The following KCNMB2 variants were observed in gnomAD, a reference collection of about 807,000 sequenced individuals.
The protein encoded by KCNMB2 is potassium calcium-activated channel subfamily M regulatory beta subunit 2.
Under a neutral mutation model 24.5 loss-of-function variants are expected in KCNMB2, and 9 were observed. The observed-to-expected ratio is 0.37, with a 90% confidence interval of 0.22 to 0.64. The LOEUF is 0.64. Ranked by LOEUF, KCNMB2 falls within the 30% of genes least tolerant of loss-of-function variation. The pLI is 0.63. For missense variants in KCNMB2, 226 were observed against 284.3 expected (o/e 0.79, Z 1.47); for synonymous variants, 109 against 104.4 (o/e 1.04, Z -0.27).
At chr3:178,758,139 GAT>G (rs376138461) in intron 1 of KCNMB2, among the ~76,000 whole-genome samples, 71 of 11,624 alleles carry the variant, frequency 6.1e-3, no homozygotes, top group Non-Finnish European at 0.011. Context: ...CACACAAGAG[GAT>G]ATATATATAT....
intron 1 of KCNMB2, among the ~76,000 whole-genome samples, chr3:178,771,814 CT>C (rs1379384702): frequency 1.3e-5 from 2 of 152,172 alleles, no homozygotes; most frequent in Non-Finnish European, 2.9e-5. Context: ...TCCCTTACCC[CT>C]GATCTCATGG....
chr3:178,615,684 T>C (rs552078429), intron 1 of KCNMB2, among the ~76,000 whole-genome samples: 3 of 152,300 alleles, frequency 2.0e-5, no homozygotes, highest in South Asian at 2.1e-4. Flanking sequence ...GGCTCCCCGC[T>C]GGCCTAGGGC....
chr3:178,769,554 T>C (rs1402691185), intron 1 of KCNMB2, among the ~76,000 whole-genome samples: 2 of 152,194 alleles, frequency 1.3e-5, no homozygotes, highest in Non-Finnish European at 2.9e-5. Context: ...AGGATAAGAA[T>C]TGCAAATCCA....
intron 1 of KCNMB2, among the ~76,000 whole-genome samples, chr3:178,803,591 T>C (rs1388517175): frequency 6.6e-6 from 1 of 152,098 alleles, no homozygotes; most frequent in Non-Finnish European, 1.5e-5. Flanking sequence ...TAAGGGTGCA[T>C]GAGACACAGT....
At chr3:178,616,260 T>C (rs1718702786) in intron 1 of KCNMB2, among the ~76,000 whole-genome samples, 1 of 152,220 alleles carries the variant, frequency 6.6e-6, no homozygotes, top group Non-Finnish European at 1.5e-5. Flanking sequence ...GTTGCAGTCC[T>C]TACGTCCTAG....
chr3:178,772,127 C>A (rs1012499774), intron 1 of KCNMB2, among the ~76,000 whole-genome samples: 1 of 152,136 alleles, frequency 6.6e-6, no homozygotes, highest in Non-Finnish European at 1.5e-5. Context: ...TCTTCCCCTG[C>A]ATAATATTCT....
intron 1 of KCNMB2, among the ~76,000 whole-genome samples, chr3:178,712,069 G>A (rs1722471761): frequency 1.3e-5 from 2 of 152,166 alleles, no homozygotes; most frequent in South Asian, 2.1e-4. Context: ...CTACTTTGAT[G>A]TTGTGAGTTT....
At chr3:178,717,554 G>A (rs1049022330) in intron 1 of KCNMB2, among the ~76,000 whole-genome samples, 11 of 152,040 alleles carry the variant, frequency 7.2e-5, no homozygotes, top group African/African-American at 2.4e-5. Context: ...GAGAGAATTG[G>A]ACAATTGAAG....
At chr3:178,544,312 A>C (rs1715708329) in intron 1 of KCNMB2, among the ~76,000 whole-genome samples, 1 of 152,114 alleles carries the variant, frequency 6.6e-6, no homozygotes, top group Admixed American at 6.6e-5. Context: ...CCCACATCAG[A>C]TGCTCTTTCA....
At chr3:178,814,048 T>C (rs963675256) in intron 2 of KCNMB2, among the ~76,000 whole-genome samples, 2 of 152,122 alleles carry the variant, frequency 1.3e-5, no homozygotes, top group Admixed American at 6.5e-5. Flanking sequence ...ATTTGTTATA[T>C]GGGCATATTG....
chr3:178,610,743 C>G (rs1718452098), intron 1 of KCNMB2, among the ~76,000 whole-genome samples: 1 of 152,208 alleles, frequency 6.6e-6, no homozygotes, highest in African/African-American at 2.4e-5. Flanking sequence ...TTATATCTTT[C>G]TCTTGTCTGA....
chr3:178,840,027 G>A (rs1209327276), intron 4 of KCNMB2, among the ~76,000 whole-genome samples: 1 of 152,150 alleles, frequency 6.6e-6, no homozygotes, highest in African/African-American at 2.4e-5. Flanking sequence ...CTATAAGCCT[G>A]TAAAATCAAA....
intron 4 of KCNMB2, among the ~76,000 whole-genome samples, chr3:178,831,443 A>G (rs1169215603): frequency 6.6e-6 from 1 of 152,172 alleles, no homozygotes; most frequent in East Asian, 1.9e-4. Context: ...ACACATGTAC[A>G]TGTATGTTCA....
chr3:178,696,199 G>C (rs1216761402), intron 1 of KCNMB2, among the ~76,000 whole-genome samples: 1 of 152,202 alleles, frequency 6.6e-6, no homozygotes, highest in East Asian at 1.9e-4. Flanking sequence ...TTACTATCAT[G>C]AGAACAGGAT....
intron 1 of KCNMB2, among the ~76,000 whole-genome samples, chr3:178,749,829 G>C (rs1199197508): frequency 6.6e-6 from 1 of 152,218 alleles, no homozygotes; most frequent in Non-Finnish European, 1.5e-5. Flanking sequence ...GAAAATAGAT[G>C]TATGAATACA....
Position 178,656,726 on chromosome 3 carries a change from C to T in KCNMB2, c.-68+120015C>T, listed in dbSNP as rs538721953. Among the ~76,000 whole-genome samples the T allele has an allele frequency of 1.6e-4, 24 of 152,150 alleles. No individual in the cohort carries two copies. The South Asian group carries it at 3.1e-3, about 20-fold the overall frequency. Reference sequence around the variant, plus strand: ...GATGGAGGTTGCAGTGAGCCGAGATCGCGCCACTGCCCTACAGTCTTATCA... The same window carrying T: ...GATGGAGGTTGCAGTGAGCCGAGATTGCGCCACTGCCCTACAGTCTTATCA... On this transcript the variant is annotated intron_variant, in intron 1 of 4. Transcript: ENST00000452583.
intron 1 of KCNMB2, among the ~76,000 whole-genome samples, chr3:178,689,534 GC>G (rs774695519): frequency 3.9e-5 from 6 of 152,134 alleles, no homozygotes; most frequent in Non-Finnish European, 5.9e-5. Flanking sequence ...TACTCAGGAG[GC>G]TGAGGCAAGA....
chr3:178,701,452 T>C lies in KCNMB2; in HGVS notation c.-67-105891T>C, dbSNP rs1016044415. ...CTTGGCAATGAGGGCTCTTTTTTGG[T>C]TTCATATGAACTTTAAAGTAGTTTT... is the stretch of plus-strand genomic sequence containing the variant. On this transcript the variant is annotated intron_variant, in intron 1 of 4. Transcript: ENST00000452583. Among the ~76,000 whole-genome samples the C allele has an allele frequency of 2.0e-5, 3 of 152,208 alleles. No individual in the cohort carries two copies. In the South Asian group the frequency reaches 6.2e-4, roughly 31 times the overall value.
At chr3:178,549,273 G>A (rs956467964) in intron 1 of KCNMB2, among the ~76,000 whole-genome samples, 1 of 151,470 alleles carries the variant, frequency 6.6e-6, no homozygotes, top group Non-Finnish European at 1.5e-5. Context: ...AATCTGCCTC[G>A]GGGCTTACCT....
Sources: allele counts gnomAD v4.1 joint callset (sites outside exome capture counted in the v4.1 genomes callset), GRCh38; gene constraint gnomAD v4.1.1; transcripts MANE v1.5; gene names NCBI Gene and HGNC (gene_info 2026-07-23, HGNC 2026-07-21).